PUDP: variants seen among roughly 807,000 people sequenced by gnomAD.
PUDP encodes pseudouridine 5'-phosphatase.
PUDP carries 8 observed loss-of-function variants against 9.4 expected under a neutral mutation model. That is an observed-to-expected ratio of 0.85 (90% CI 0.50 to 1.53). PUDP has a LOEUF of 1.53. Among genes scored for constraint, PUDP ranks in the 40% most tolerant of loss-of-function variants. PUDP has a pLI of 0.00. For missense variants in PUDP, 188 were observed against 189.7 expected (o/e 0.99, Z 0.05); for synonymous variants, 99 against 80.7 (o/e 1.23, Z -1.22).
chrX:7,122,079 TC>T (rs1932357274), intron 1 of PUDP, among the ~76,000 whole-genome samples: 1 of 110,940 alleles, frequency 9.0e-6, no homozygotes, highest in Admixed American at 9.6e-5. Context: ...TCCCAGCTAC[TC>T]GGGGAGCTGA....
intron 3 of PUDP, among the ~76,000 whole-genome samples, chrX:6,755,407 C>G (rs1317882635): frequency 9.0e-6 from 1 of 111,355 alleles, no homozygotes; most frequent in East Asian, 2.8e-4. Flanking sequence ...CACTGAATGT[C>G]TATATTTCAG....
intron 1 of PUDP, among the ~76,000 whole-genome samples, chrX:7,026,630 A>T (rs1929714482): frequency 9.0e-6 from 1 of 110,651 alleles, no homozygotes. Flanking sequence ...CCACCCTCCT[A>T]CCACCTGTGA....
intron 1 of PUDP, among the ~76,000 whole-genome samples, chrX:7,033,278 G>A (rs749815877): frequency 3.6e-5 from 4 of 111,515 alleles, no homozygotes; most frequent in Non-Finnish European, 7.5e-5. Flanking sequence ...ATGGCCTATT[G>A]TGGGACCTCA....
intron 3 of PUDP, among the ~76,000 whole-genome samples, chrX:6,901,999 G>A (rs914888017): frequency 2.7e-5 from 3 of 110,565 alleles, no homozygotes; most frequent in Admixed American, 9.7e-5. Flanking sequence ...TCAGCCTCCT[G>A]AGTAGCTGGG....
At chrX:6,747,330 A>G (rs1293613984) in intron 3 of PUDP, among the ~76,000 whole-genome samples, 1 of 112,067 alleles carries the variant, frequency 8.9e-6, no homozygotes, top group African/African-American at 3.2e-5. Context: ...CTCAGAAGGT[A>G]CAATGCCATC....
intron 3 of PUDP, among the ~76,000 whole-genome samples, chrX:6,860,660 C>T (rs6639691): frequency 0.43 from 46,558 of 108,480 alleles, 8,601 homozygotes; most frequent in Non-Finnish European, 0.56. Flanking sequence ...TTAGTAGAGA[C>T]GGGGTTTCAG....
At chrX:6,872,629 G>A (rs764691864) in intron 3 of PUDP, among the ~76,000 whole-genome samples, 1 of 106,270 alleles carries the variant, frequency 9.4e-6, no homozygotes, top group Non-Finnish European at 1.9e-5. Context: ...AATCCAGGAG[G>A]CGGAGGTTTC....
At chrX:6,814,484 T>C (rs1926195136) in intron 3 of PUDP, among the ~76,000 whole-genome samples, 1 of 110,997 alleles carries the variant, frequency 9.0e-6, no homozygotes, top group Non-Finnish European at 1.9e-5. Context: ...ATTTTCATGA[T>C]TGTTTTAAAT....
At chrX:6,935,996 A>C (rs1291283777) in intron 3 of PUDP, among the ~76,000 whole-genome samples, 2 of 109,360 alleles carry the variant, frequency 1.8e-5, no homozygotes, top group African/African-American at 6.7e-5. Flanking sequence ...TAATCAATAG[A>C]TTACCAACCA....
chrX:7,038,753 G>A (rs1200188239), intron 1 of PUDP, among the ~76,000 whole-genome samples: 1 of 111,439 alleles, frequency 9.0e-6, no homozygotes, highest in Non-Finnish European at 1.9e-5. Context: ...TATTAAAACA[G>A]CAAAAAGGAA....
intron 3 of PUDP, among the ~76,000 whole-genome samples, chrX:6,887,092 T>G (rs59858040): frequency 0.11 from 11,724 of 103,745 alleles, 736 homozygotes; most frequent in East Asian, 0.46. Context: ...TATGATAAAT[T>G]ATATATAATA....
intron 3 of PUDP, among the ~76,000 whole-genome samples, chrX:6,799,993 T>G (rs1030541095): frequency 2.7e-5 from 3 of 112,221 alleles, no homozygotes; most frequent in African/African-American, 9.7e-5. Flanking sequence ...TTAGTATCTA[T>G]TTTAGCGAGT....
intron 2 of PUDP, among the ~76,000 whole-genome samples, chrX:7,103,523 G>A (rs1931797059): frequency 8.9e-6 from 1 of 112,122 alleles, no homozygotes; most frequent in Non-Finnish European, 1.9e-5. Context: ...GACACCAAAA[G>A]CACAGGTAAC....
chrX:7,043,429 G>T (rs932620451), intron 1 of PUDP, among the ~76,000 whole-genome samples: 1 of 111,394 alleles, frequency 9.0e-6, no homozygotes, highest in Non-Finnish European at 1.9e-5. Flanking sequence ...TCCCCTTCCC[G>T]TTCCACCATG....
chrX:6,907,651 T>A (rs1927788743), intron 3 of PUDP, among the ~76,000 whole-genome samples: 1 of 111,681 alleles, frequency 9.0e-6, no homozygotes, highest in African/African-American at 3.3e-5. Context: ...ACTGTAGGAA[T>A]GAATTAGACC....
intron 3 of PUDP, among the ~76,000 whole-genome samples, chrX:6,970,033 G>C (rs1294229894): frequency 1.8e-5 from 2 of 111,761 alleles, no homozygotes; most frequent in Non-Finnish European, 3.8e-5. Flanking sequence ...TGGGGTTTAG[G>C]GGCCACGGGG....
intron 3 of PUDP, among the ~76,000 whole-genome samples, chrX:6,761,467 T>G (rs757380546): frequency 2.7e-5 from 3 of 112,315 alleles, no homozygotes; most frequent in Non-Finnish European, 5.6e-5. Context: ...CAATGCTTAA[T>G]GCTGACAGTA....
At chrX:7,064,316 G>A (rs1930487335) in intron 3 of PUDP, among the ~76,000 whole-genome samples, 2 of 111,519 alleles carry the variant, frequency 1.8e-5, no homozygotes, top group South Asian at 7.5e-4. Flanking sequence ...CGCATTTATT[G>A]GATGTCTACT....
intron 3 of PUDP, among the ~76,000 whole-genome samples, chrX:6,887,260 T>A (rs1025344016): frequency 9.3e-6 from 1 of 107,548 alleles, no homozygotes; most frequent in African/African-American, 3.3e-5. Context: ...AATTATGATA[T>A]ATTATTTATA....
Sources: gnomAD v4.1 joint callset for allele counts (sites outside exome capture counted in the v4.1 genomes callset) on GRCh38, gnomAD v4.1.1 for gene constraint, MANE v1.5 for transcripts, NCBI Gene and HGNC (gene_info 2026-07-23, HGNC 2026-07-21) for gene names.